The following ITPR2 variants were observed in gnomAD, a reference collection of about 807,000 sequenced individuals.
ITPR2 encodes inositol 1,4,5-trisphosphate receptor type 2, also known as inositol 1,4,5-trisphosphate-gated calcium channel ITPR2.
Under a neutral mutation model 317.1 loss-of-function variants are expected in ITPR2, and 207 were observed. The ratio of observed to expected loss-of-function variants is 0.65; its 90% CI spans 0.58 to 0.73. The LOEUF (loss-of-function observed/expected upper bound fraction) is 0.73. Among genes scored for constraint, ITPR2 ranks in the 30% least tolerant of loss-of-function variants. ITPR2 has a pLI of 0.00. For missense variants in ITPR2, 2,613 were observed against 3,284.0 expected (o/e 0.80, Z 4.99); for synonymous variants, 1,156 against 1,149.1 (o/e 1.01, Z -0.12).
At position 26,621,213 on chromosome 12, in the gene ITPR2, T is replaced by C. The variant is rs2136804164; in HGVS notation, c.3372A>G (p.Glu1124=). ...TCTTCTCCACCCATAGCTCAGACTT[T>C]TCTACTGTCAGTCGAAGCTGGTCTA... ...ADLDQLRLTV[E]KSELWVEKSS... The change falls in exon 26 of 57, where the codon GAA becomes GAG. Residue 1124 remains glutamate, a synonymous_variant. Coordinates refer to ENST00000381340, the MANE Select transcript of ITPR2 (RefSeq NM_002223.4). The C allele has an allele frequency of 6.2e-7, 1 of 1,613,946 alleles. No individual in the cohort carries two copies. Among genetic ancestry groups the C allele is most frequent in the East Asian group, 2.2e-5 (1 of 44,862 alleles).
chr12:26,661,783 T>C (rs541642337), intron 15 of ITPR2, among the ~76,000 whole-genome samples: 6 of 152,216 alleles, frequency 3.9e-5, no homozygotes, highest in African/African-American at 1.4e-4. Flanking sequence ...CTCATTTCCC[T>C]TCCCCACTCC....
At chr12:26,796,002 G>C (rs371081683) in intron 1 of ITPR2, among the ~76,000 whole-genome samples, 11 of 140,552 alleles carry the variant, frequency 7.8e-5, no homozygotes, top group Middle Eastern at 3.3e-3. Flanking sequence ...AAAAAAAAGG[G>C]GGGGGGGGCA....
chr12:26,466,498 A>G (rs1942174327), intron 45 of ITPR2, among the ~76,000 whole-genome samples: 1 of 152,204 alleles, frequency 6.6e-6, no homozygotes, highest in African/African-American at 2.4e-5. Flanking sequence ...ATACACATGC[A>G]TTTCTCATTC....
chr12:26,595,884 C>T (rs998165594), intron 31 of ITPR2, among the ~76,000 whole-genome samples: 1 of 152,114 alleles, frequency 6.6e-6, no homozygotes, highest in African/African-American at 2.4e-5. Context: ...GCAACCTCTC[C>T]TTCCTCTCCT....
At chr12:26,542,977 T>C (rs924950947) in intron 37 of ITPR2, among the ~76,000 whole-genome samples, 19 of 152,356 alleles carry the variant, frequency 1.2e-4, no homozygotes, top group African/African-American at 4.1e-4. Flanking sequence ...ATGAATTTTA[T>C]ATACTTAGGA....
At chr12:26,486,830 A>G (rs185686428) in intron 40 of ITPR2, 4 of 659,400 alleles carry the variant, frequency 6.1e-6, no homozygotes, top group Admixed American at 4.1e-5. Context: ...GCATGCCACA[A>G]TGAAATCAAA....
chr12:26,767,929 C>T (rs754207344), intron 2 of ITPR2, among the ~76,000 whole-genome samples: 1 of 152,166 alleles, frequency 6.6e-6, no homozygotes, highest in Admixed American at 6.5e-5. Context: ...GGTAGAGATA[C>T]AATGTGGGTC....
At position 26,813,260 on chromosome 12, in the gene ITPR2, G is replaced by C. The variant is rs186665765; in HGVS notation, c.92+19430C>G. 6.6e-5 allele frequency among the ~76,000 whole-genome samples: 10 copies of C among 152,176 alleles called. No individual in the cohort carries two copies. In the East Asian group the frequency reaches 1.9e-3, roughly 29 times the overall value. ...TTTTAAATTTTACATTTTAAATTTT[G>C]AAAATTTTAAACCCTGCTTATATAA... On this transcript the variant is annotated intron_variant, in intron 1 of 56. Coordinates refer to ENST00000381340, the MANE Select transcript of ITPR2 (RefSeq NM_002223.4).
chr12:26,361,543 C>A (rs1938832289), intron 55 of ITPR2, among the ~76,000 whole-genome samples: 1 of 152,142 alleles, frequency 6.6e-6, no homozygotes, highest in South Asian at 2.1e-4. Context: ...AATTACCAAC[C>A]ACTTCAAGAA....
intron 55 of ITPR2, among the ~76,000 whole-genome samples, chr12:26,362,853 A>G (rs1328747598): frequency 6.6e-6 from 1 of 152,236 alleles, no homozygotes; most frequent in Non-Finnish European, 1.5e-5. Flanking sequence ...ACTGGGGAAT[A>G]AAAGATGGGG....
chr12:26,451,723 A>T (rs1941746829), intron 45 of ITPR2, among the ~76,000 whole-genome samples: 1 of 152,170 alleles, frequency 6.6e-6, no homozygotes, highest in Non-Finnish European at 1.5e-5. Flanking sequence ...TCTGTCTTAA[A>T]CTATAGTAAA....
chr12:26,831,314 T>C lies in ITPR2; in HGVS notation c.92+1376A>G, dbSNP rs1016256314. 2.6e-5 allele frequency among the ~76,000 whole-genome samples: 4 copies of C among 152,120 alleles called. No individual in the cohort carries two copies. Among genetic ancestry groups the C allele is most frequent in the African/African-American group, 9.7e-5 (4 of 41,410 alleles). ...AAATCTACCTCCCTTCTTTCACTCA[T>C]TAGGGGGAATGCACAAGTAACAGGA... On this transcript the variant is annotated intron_variant, in intron 1 of 56. Coordinates refer to ENST00000381340, the MANE Select transcript of ITPR2 (RefSeq NM_002223.4). This position sits in a 1 kb window ranked among gnomAD's most constrained non-coding sequence, Gnocchi z 4.9.
intron 55 of ITPR2, among the ~76,000 whole-genome samples, chr12:26,346,250 G>A (rs947081691): frequency 6.6e-6 from 1 of 152,130 alleles, no homozygotes; most frequent in African/African-American, 2.4e-5. Context: ...ATTTCTCTGG[G>A]CAATTAAAAG....
chr12:26,790,617 A>ACACT (rs1555192765), intron 1 of ITPR2, among the ~76,000 whole-genome samples: 1 of 150,870 alleles, frequency 6.6e-6, no homozygotes, highest in East Asian at 2.0e-4. Context: ...ACACACACAC[A>ACACT]CTTCTACACA....
chr12:26,518,596 C>G (rs1490342605), intron 37 of ITPR2, among the ~76,000 whole-genome samples: 1 of 151,872 alleles, frequency 6.6e-6, no homozygotes, highest in East Asian at 1.9e-4. Flanking sequence ...TCTGTATCCT[C>G]AAAACATCCA....
intron 1 of ITPR2, among the ~76,000 whole-genome samples, chr12:26,809,637 AACTT>A (rs1312761462): frequency 1.3e-5 from 2 of 152,164 alleles, no homozygotes; most frequent in African/African-American, 4.8e-5. Context: ...TTTTGAGTAA[AACTT>A]ACCCAAAATA....
chr12:26,409,107 C>A (rs1204548355), intron 52 of ITPR2, among the ~76,000 whole-genome samples: 1 of 151,984 alleles, frequency 6.6e-6, no homozygotes, highest in Non-Finnish European at 1.5e-5. Context: ...TGAGGGACAC[C>A]TGTAGACCTG....
chr12:26,759,348 A>G (rs1416844580), intron 2 of ITPR2, among the ~76,000 whole-genome samples: 1 of 152,264 alleles, frequency 6.6e-6, no homozygotes, highest in Non-Finnish European at 1.5e-5. Context: ...ATCAAACAAC[A>G]TATGACCAAG....
chr12:26,391,291 A>G (rs1939826679), intron 54 of ITPR2, among the ~76,000 whole-genome samples: 1 of 152,222 alleles, frequency 6.6e-6, no homozygotes, highest in Non-Finnish European at 1.5e-5. Flanking sequence ...TTAGCGGAAG[A>G]GTCAATTAGT....
Sources: gnomAD v4.1 joint callset for allele counts (sites outside exome capture counted in the v4.1 genomes callset) on GRCh38, gnomAD v4.1.1 for gene constraint, Gnocchi (gnomAD v3.1) non-coding constraint, MANE v1.5 for transcripts, NCBI Gene and HGNC (gene_info 2026-07-23, HGNC 2026-07-21) for gene names.